PNISR: variants seen among roughly 807,000 people sequenced by gnomAD.
PNISR encodes arginine/serine-rich protein PNISR.
Under a neutral mutation model 93.4 loss-of-function variants are expected in PNISR, and 20 were observed. The ratio of observed to expected loss-of-function variants is 0.21; its 90% confidence interval spans 0.15 to 0.31. The LOEUF is 0.31. Ranked by LOEUF, PNISR falls within the 10% of genes least tolerant of loss-of-function variation. The pLI is 1.00. For missense variants in PNISR, 893 were observed against 985.4 expected (o/e 0.91, Z 1.25); for synonymous variants, 305 against 306.5 (o/e 0.99, Z 0.05).
chr6:99,409,074 T>C, intron 6 of PNISR, 99 bp downstream of exon 6: 3 of 925,758 alleles, frequency 3.2e-6, no homozygotes, highest in Non-Finnish European at 5.1e-6. Context: ...TCCTAACACA[T>C]CAGAGATACT....
rs183594341 is a variant in PNISR, at chr6:99,415,992, T to C, written c.-32+357A>G. The C allele has an allele frequency of 2.2e-3, 350 of 158,010 alleles. 1 individual carries two copies. Among genetic ancestry groups the C allele is most frequent in the African/African-American group, 8.1e-3 (339 of 41,902 alleles). 9.8% of individuals were successfully genotyped at this position (158,010 alleles called of 1,614,324 possible). A position where few individuals can be genotyped will look rare whatever the true frequency, so the allele number is the denominator to read the frequency against. ...GTGAGTTATGGGAGGTGTATTTCTT[T>C]GTCACCTTGATTTACTTATGAGTCA... On this transcript the variant is annotated intron_variant, in intron 2 of 11. Transcript: ENST00000369239.
chr6:99,411,751 A>C (rs1404215037), intron 4 of PNISR: 1 of 154,462 alleles, frequency 6.5e-6, no homozygotes, highest in East Asian at 1.9e-4. Flanking sequence ...AGTAGCTGGG[A>C]CTACAGGCAT....
chr6:99,398,085 C>G lies in PNISR; in HGVS notation c.*2455G>C, dbSNP rs1028491300. ...ACCAATTTTTATTTATATTTTGGGGCCTGAAACAAATCTTATAATCACCTC... is the reference window on the plus strand; with the variant it reads ...ACCAATTTTTATTTATATTTTGGGGGCTGAAACAAATCTTATAATCACCTC... On this transcript the variant is annotated 3_prime_UTR_variant, in exon 12 of 12. Coordinates refer to ENST00000369239, the MANE Select transcript of PNISR (RefSeq NM_032870.4). 1.3e-5 allele frequency: 2 copies of G among 152,100 alleles called. No homozygotes were observed. The highest frequency in any genetic ancestry group is 2.9e-5 in the Non-Finnish European group (2 of 68,000). 9.4% of individuals were successfully genotyped at this position (152,100 alleles called of 1,614,324 possible).
Position 99,408,117 on chromosome 6 carries a change from T to C in PNISR, c.828A>G (p.Gly276=). The change falls in exon 7 of 12, where the codon GGA becomes GGG. Residue 276 remains glycine (G), a synonymous_variant. Transcript: ENST00000369239. ...TCTGAGGTAAACGAGGGCCATCCCCTCCTTCAGCATCTTCTGTGGCCTTTT... is the reference window on the plus strand; with the variant it reads ...TCTGAGGTAAACGAGGGCCATCCCCCCCTTCAGCATCTTCTGTGGCCTTTT... ...KEKKATEDAE[G]GDGPRLPQRS... 1 of 1,609,340 alleles carries C rather than the reference T, an allele frequency of 6.2e-7. No individual in the cohort carries two copies.
rs922665197 is a variant in PNISR, at chr6:99,398,290, T to C, written c.*2250A>G. The C allele has an allele frequency of 6.6e-6, 1 of 152,136 alleles. No homozygotes were observed. The highest frequency in any genetic ancestry group is 1.5e-5 in the Non-Finnish European group (1 of 67,976). 9.4% of individuals were successfully genotyped at this position (152,136 alleles called of 1,614,324 possible). On this transcript the variant is annotated 3_prime_UTR_variant, in exon 12 of 12. Transcript: ENST00000369239. ...TCTGTTAATTTTCTGGTGGTATTATTTTAGAAAAGATTTCATAACCAAATT... is the reference window on the plus strand; with the variant it reads ...TCTGTTAATTTTCTGGTGGTATTATCTTAGAAAAGATTTCATAACCAAATT...
At chr6:99,420,633 T>C (rs892175601) in intron 1 of PNISR, among the ~76,000 whole-genome samples, 4 of 152,318 alleles carry the variant, frequency 2.6e-5, no homozygotes, top group Non-Finnish European at 5.9e-5. Flanking sequence ...AATCAATGGA[T>C]ACATATTTTA....
chr6:99,411,800 T>G (rs1425483037), intron 4 of PNISR: 40 of 152,136 alleles, frequency 2.6e-4, no homozygotes, highest in South Asian at 6.2e-4. Context: ...GTTTTTTTTT[T>G]TTTTTTTTTT....
At position 99,419,152 on chromosome 6, in the gene PNISR, C is replaced by CAAAAAAAAAAAA. The variant is rs1166838873; in HGVS notation, c.-111-2736_-111-2725dup. ...TGGGTGCCAGAGCGAGACTCCGTCTCAAAAAAAAAAAAAAAAAAAAAAAAA... is the reference window on the plus strand; with the variant it reads ...TGGGTGCCAGAGCGAGACTCCGTCTCAAAAAAAAAAAAAAAAAAAAAAAAAAAAAAAAAAAAA... On this transcript the variant is annotated intron_variant, in intron 1 of 11. Transcript: ENST00000369239. Among the ~76,000 whole-genome samples, 34 of 19,822 alleles carry CAAAAAAAAAAAA rather than the reference C, an allele frequency of 1.7e-3. 12 individuals carry two copies. Among genetic ancestry groups the CAAAAAAAAAAAA allele is most frequent in the Admixed American group, 3.2e-3 (3 of 928 alleles). 13.0% of individuals were successfully genotyped at this position (19,822 alleles called of 152,430 possible). A position where few individuals can be genotyped will look rare whatever the true frequency, so the allele number is the denominator to read the frequency against.
At position 99,399,611 on chromosome 6, in the gene PNISR, C is replaced by G. The variant is rs1483213892; in HGVS notation, c.*929G>C. 1 of 152,154 alleles carries G rather than the reference C, an allele frequency of 6.6e-6. No individual in the cohort carries two copies. The highest frequency in any genetic ancestry group is 2.4e-5 in the African/African-American group (1 of 41,450). The allele number at this position is 152,154 out of a possible 1,614,324, so 9.4% of individuals were successfully genotyped here. Reference sequence around the variant, plus strand: ...CCTTACAAATAACTCTACTGGTGCACTGGCTTGATTGATTCCAGCAATTTC... The same window carrying G: ...CCTTACAAATAACTCTACTGGTGCAGTGGCTTGATTGATTCCAGCAATTTC... On this transcript the variant is annotated 3_prime_UTR_variant, in exon 12 of 12. Coordinates refer to ENST00000369239, the MANE Select transcript of PNISR (RefSeq NM_032870.4).
At chr6:99,406,909 A>G (rs541105626) in intron 7 of PNISR, among the ~76,000 whole-genome samples, 5 of 152,312 alleles carry the variant, frequency 3.3e-5, no homozygotes, top group African/African-American at 9.6e-5. Context: ...GAACCAGGGG[A>G]AAAATATATG....
intron 5 of PNISR, chr6:99,410,158 T>A (rs1333044830): frequency 1.3e-5 from 2 of 152,324 alleles, no homozygotes; most frequent in Admixed American, 6.5e-5. Context: ...AATTTAAGGG[T>A]AGACCCTGGC....
chr6:99,415,392 C>CAGCCTCCAAGACCTGGTTT (rs1777543113), intron 2 of PNISR: 2 of 152,024 alleles, frequency 1.3e-5, no homozygotes, highest in African/African-American at 4.8e-5. Context: ...GAAAGTAAGA[C>CAGCCTCCAAGACCTGGTTT]AGCCTCCAAG....
chr6:99,408,359 A>C, intron 6 of PNISR, 88 bp from the exon 7 acceptor site: 2 of 878,216 alleles, frequency 2.3e-6, no homozygotes, highest in Non-Finnish European at 3.6e-6. Context: ...ATCCCATTAA[A>C]TATCATGCCT....
chr6:99,422,183 T>C (rs993265894), intron 1 of PNISR, among the ~76,000 whole-genome samples: 3 of 152,176 alleles, frequency 2.0e-5, no homozygotes, highest in African/African-American at 4.8e-5. Flanking sequence ...CAATCATTAA[T>C]ATTTACAAAA....
At chr6:99,418,756 G>A (rs1235087190) in intron 1 of PNISR, among the ~76,000 whole-genome samples, 1 of 152,172 alleles carries the variant, frequency 6.6e-6, no homozygotes, top group Non-Finnish European at 1.5e-5. Flanking sequence ...TTATTAAAGC[G>A]CTTTAATTAA....
chr6:99,398,845 G>A lies in PNISR; in HGVS notation c.*1695C>T, dbSNP rs924092124. 3 of 151,982 alleles carry A rather than the reference G, an allele frequency of 2.0e-5. No homozygotes were observed. Among genetic ancestry groups the A allele is most frequent in the Admixed American group, 6.5e-5 (1 of 15,270 alleles). 9.4% of individuals were successfully genotyped at this position (151,982 alleles called of 1,614,324 possible). On this transcript the variant is annotated 3_prime_UTR_variant, in exon 12 of 12. Coordinates refer to ENST00000369239, the MANE Select transcript of PNISR (RefSeq NM_032870.4). ...TTTTATTTTGTCTCCAGATGTGATCGATGTCTAAACTATATAGAATTTCAA... is the reference window on the plus strand; with the variant it reads ...TTTTATTTTGTCTCCAGATGTGATCAATGTCTAAACTATATAGAATTTCAA...
Position 99,398,343 on chromosome 6 carries a change from T to A in PNISR, c.*2197A>T, listed in dbSNP as rs1278506580. 6.6e-6 allele frequency: 1 copy of A among 152,154 alleles called. No individual in the cohort carries two copies. The highest frequency in any genetic ancestry group is 1.5e-5 in the Non-Finnish European group (1 of 67,984). The allele number at this position is 152,154 out of a possible 1,614,324, so 9.4% of individuals were successfully genotyped here. A position where few individuals can be genotyped will look rare whatever the true frequency, so the allele number is the denominator to read the frequency against. On this transcript the variant is annotated 3_prime_UTR_variant, in exon 12 of 12. Coordinates refer to ENST00000369239, the MANE Select transcript of PNISR (RefSeq NM_032870.4). ...ACATCTAATTAACTTATGTGTAAGT[T>A]TTTGCATTCACATCCTAAATCATGG...
rs974041850 is a variant in PNISR, at chr6:99,399,993, T to G, written c.*547A>C. 6.6e-6 allele frequency: 1 copy of G among 152,172 alleles called. No individual in the cohort carries two copies. Among genetic ancestry groups the G allele is most frequent in the African/African-American group, 2.4e-5 (1 of 41,426 alleles). The allele number at this position is 152,172 out of a possible 1,614,324, so 9.4% of individuals were successfully genotyped here. A position where few individuals can be genotyped will look rare whatever the true frequency, so the allele number is the denominator to read the frequency against. On this transcript the variant is annotated 3_prime_UTR_variant, in exon 12 of 12. Coordinates refer to ENST00000369239, the MANE Select transcript of PNISR (RefSeq NM_032870.4). ...ACAAAAATGAACTAAAGAGCTTTATTGACATCACAGTACATTCAAGAATAA... is the reference window on the plus strand; with the variant it reads ...ACAAAAATGAACTAAAGAGCTTTATGGACATCACAGTACATTCAAGAATAA...
chr6:99,421,791 T>C (rs1211183559), intron 1 of PNISR, among the ~76,000 whole-genome samples: 4 of 152,350 alleles, frequency 2.6e-5, no homozygotes, highest in Non-Finnish European at 4.4e-5. Flanking sequence ...GGCCATCATC[T>C]ATTTTATCCT....
Sources: allele counts gnomAD v4.1 joint callset (sites outside exome capture counted in the v4.1 genomes callset), GRCh38; gene constraint gnomAD v4.1.1; transcripts MANE v1.5; gene names NCBI Gene and HGNC (gene_info 2026-07-23, HGNC 2026-07-21).